ADGRD1: variants seen among roughly 807,000 people sequenced by gnomAD.
The protein encoded by ADGRD1 is adhesion G protein-coupled receptor D1.
A neutral mutation model predicts 113.4 loss-of-function variants in ADGRD1; 77 were observed. The observed-to-expected ratio is 0.68, with a 90% CI of 0.57 to 0.82. The LOEUF is 0.82. Among genes scored for constraint, ADGRD1 ranks in the 40% least tolerant of loss-of-function variants. The probability of loss-of-function intolerance (pLI) is 0.00; values close to 1 mark genes in which losing one functional copy is unlikely to be tolerated. For synonymous variants in ADGRD1, 474 were observed against 475.0 expected (o/e 1.00, Z 0.03); for missense variants, 1,036 against 1,139.1 (o/e 0.91, Z 1.30).
chr12:131,045,875 T>C (rs1882647480), intron 13 of ADGRD1, among the ~76,000 whole-genome samples: 1 of 150,816 alleles, frequency 6.6e-6, no homozygotes, highest in Non-Finnish European at 1.5e-5. Flanking sequence ...CTCCCTGCCT[T>C]GTCCATATCC....
chr12:131,129,295 G>A (rs1950841775), intron 20 of ADGRD1, among the ~76,000 whole-genome samples: 5 of 141,580 alleles, frequency 3.5e-5, no homozygotes, highest in East Asian at 2.1e-4. Flanking sequence ...GGGTGTGAGT[G>A]GCAGCCCCGC....
At chr12:131,128,367 C>T (rs1049134874) in intron 20 of ADGRD1, among the ~76,000 whole-genome samples, 1 of 152,100 alleles carries the variant, frequency 6.6e-6, no homozygotes, top group Non-Finnish European at 1.5e-5. Flanking sequence ...TCCAGGCATC[C>T]CTCTCATGGG....
chr12:131,029,094 A>G (rs1489000598), intron 13 of ADGRD1, among the ~76,000 whole-genome samples: 8 of 152,178 alleles, frequency 5.3e-5, no homozygotes, highest in African/African-American at 1.9e-4. Context: ...TGAACTGGCC[A>G]TCTGCATTTT....
rs530924098 is a variant in ADGRD1, at chr12:131,112,360, TG to T, written c.2041+3487del. 3.3e-4 allele frequency among the ~76,000 whole-genome samples: 51 copies of T among 152,294 alleles called. No homozygotes were observed. In the South Asian group the frequency reaches 0.011, roughly 32 times the overall value. ...GGCTCTGTTGTTCCCAACAATAGCT[TG>T]GGGCACATGATGCTCTACAGCTTGA... On this transcript the variant is annotated intron_variant, in intron 18 of 24. Transcript: ENST00000261654.
chr12:131,103,602 TG>T (rs1386018111), intron 15 of ADGRD1, among the ~76,000 whole-genome samples: 30 of 152,380 alleles, frequency 2.0e-4, no homozygotes, highest in African/African-American at 7.2e-4. Context: ...TGGGGCCCCC[TG>T]GGCCTGCGGC....
rs139213870 is a variant in ADGRD1 at position 131,047,967 on chromosome 12, T to A, written c.1474-28834T>A. On this transcript the variant is annotated intron_variant, in intron 13 of 24. Coordinates refer to ENST00000261654, the MANE Select transcript of ADGRD1 (RefSeq NM_198827.5). ...GCCCAGGATGGGGCTCTGCCAGTCA[T>A]CTCCACATCCCATGTCACAGGGGTG... is the stretch of plus-strand genomic sequence containing the variant. 8.5e-4 allele frequency among the ~76,000 whole-genome samples: 129 copies of A among 152,246 alleles called. 1 individual carries two copies. In the East Asian group the frequency reaches 0.021, roughly 25 times the overall value.
chr12:131,043,652 C>T (rs114738427), intron 13 of ADGRD1, among the ~76,000 whole-genome samples: 388 of 152,348 alleles, frequency 2.5e-3, no homozygotes, highest in African/African-American at 9.0e-3. Flanking sequence ...CGCCAAAGCT[C>T]GGGTCCCGGG....
intron 21 of ADGRD1, 100 bp downstream of exon 21, chr12:131,131,916 G>A (rs928975308): frequency 1.4e-5 from 11 of 768,522 alleles, no homozygotes; most frequent in Middle Eastern, 2.3e-4. Flanking sequence ...TCCTGTGGCC[G>A]GCACCAAAGT....
intron 13 of ADGRD1, among the ~76,000 whole-genome samples, chr12:131,045,505 ACC>A (rs35800678): frequency 9.6e-5 from 14 of 146,396 alleles, no homozygotes; most frequent in African/African-American, 2.5e-4. Context: ...CTGTACAGGG[ACC>A]CCCCCCCACC....
At position 130,959,520 on chromosome 12, in the gene ADGRD1, G is replaced by A. The variant is rs184384134; in HGVS notation, c.103+4860G>A. Among the ~76,000 whole-genome samples the A allele has an allele frequency of 2.1e-4, 32 of 152,274 alleles. 1 individual carries two copies. The highest frequency in any genetic ancestry group is 5.8e-4 in the African/African-American group (24 of 41,532). ...CAGAAGTTTAAGGCTGCAGTGAACC[G>A]TGATCACACCACTGCACTCCAGCCT... On this transcript the variant is annotated intron_variant, in intron 2 of 24. Transcript: ENST00000261654.
At chr12:131,034,300 C>T (rs886969372) in intron 13 of ADGRD1, among the ~76,000 whole-genome samples, 1 of 152,360 alleles carries the variant, frequency 6.6e-6, no homozygotes, top group Admixed American at 6.5e-5. Context: ...CCTTTGCACG[C>T]CTGTCCTTTT....
intron 13 of ADGRD1, among the ~76,000 whole-genome samples, chr12:131,072,612 G>C (rs1191285527): frequency 6.6e-6 from 1 of 152,150 alleles, no homozygotes; most frequent in Non-Finnish European, 1.5e-5. Flanking sequence ...CCATGTGTGT[G>C]GGGGGTGGCG....
At position 131,108,876 on chromosome 12, in the gene ADGRD1, G is replaced by C; in HGVS notation, c.2040G>C (p.Trp680Cys). The C allele has an allele frequency of 6.2e-7, 1 of 1,603,558 alleles. No homozygotes were observed. Among genetic ancestry groups the C allele is most frequent in the South Asian group, 1.1e-5 (1 of 90,080 alleles). ...ACCGTTACTACTATGGGATGGGATG[G>C]GGTAGGTGGGGCAGGGCAGGTGGGA... ...SKHRYYYGMG[W>C]GFPLLICIIS... is the part of the protein sequence containing the mutation. The change falls in exon 18 of 25, where the codon TGG becomes TGC. Residue 680 changes from tryptophan to cysteine, a missense_variant and splice_region_variant. Transcript: ENST00000261654.
In ADGRD1 at chr12:131,071,595, C is replaced by G. The variant is rs149214746; in HGVS notation, c.1474-5206C>G. 3.6e-3 allele frequency among the ~76,000 whole-genome samples: 550 copies of G among 152,302 alleles called. 7 individuals carry two copies. The highest frequency in any genetic ancestry group is 0.012 in the African/African-American group (481 of 41,556). Reference sequence around the variant, plus strand: ...CTCTTTCCCAAGGATGGAACCTCTCCACACATACCATGGCCACAGTGCAGG... The same window carrying G: ...CTCTTTCCCAAGGATGGAACCTCTCGACACATACCATGGCCACAGTGCAGG... On this transcript the variant is annotated intron_variant, in intron 13 of 24. Transcript: ENST00000261654.
intron 20 of ADGRD1, among the ~76,000 whole-genome samples, chr12:131,122,177 C>CTGAG (rs1349067819): frequency 3.3e-5 from 5 of 152,040 alleles, no homozygotes; most frequent in Admixed American, 1.3e-4. Context: ...GCTCCCTGGA[C>CTGAG]TGAGGGGCGT....
chr12:131,098,039 C>T (rs2137286813), intron 15 of ADGRD1, among the ~76,000 whole-genome samples: 1 of 144,430 alleles, frequency 6.9e-6, no homozygotes, highest in East Asian at 2.2e-4. Flanking sequence ...CCCTGCACCC[C>T]CGCGCCAGCC....
intron 12 of ADGRD1, among the ~76,000 whole-genome samples, chr12:131,006,527 G>A (rs142293504): frequency 0.01 from 1,535 of 152,318 alleles, 12 homozygotes; most frequent in Non-Finnish European, 0.016. Context: ...CGAGGACGCC[G>A]TCTAGACCTG....
intron 24 of ADGRD1, among the ~76,000 whole-genome samples, chr12:131,138,579 G>C (rs949465603): frequency 6.6e-6 from 1 of 152,102 alleles, no homozygotes; most frequent in Non-Finnish European, 1.5e-5. Flanking sequence ...GGCCCTGTTA[G>C]GGTTCTCACT....
chr12:131,103,832 C>T (rs1950156613), intron 15 of ADGRD1, among the ~76,000 whole-genome samples: 2 of 152,310 alleles, frequency 1.3e-5, no homozygotes, highest in South Asian at 4.1e-4. Flanking sequence ...CAGGCTTCAG[C>T]TGGGCCTCTG....
Sources: allele counts gnomAD v4.1 joint callset (sites outside exome capture counted in the v4.1 genomes callset), GRCh38; gene constraint gnomAD v4.1.1; transcripts MANE v1.5; gene names NCBI Gene and HGNC (gene_info 2026-07-23, HGNC 2026-07-21).